Variants in CBY1 observed in about 807,000 individuals in gnomAD.
CBY1 encodes protein chibby homolog 1.
Under a neutral mutation model 15.6 loss-of-function variants are expected in CBY1, and 10 were observed. The ratio of observed to expected loss-of-function variants is 0.64; its 90% CI spans 0.40 to 1.09. The LOEUF is 1.09. CBY1 is among the 50% of genes least tolerant of loss of function. The probability of loss-of-function intolerance (pLI) is 0.01; values close to 1 mark genes in which losing one functional copy is unlikely to be tolerated. For missense variants in CBY1, 150 were observed against 160.5 expected (o/e 0.93, Z 0.35); for synonymous variants, 61 against 63.5 (o/e 0.96, Z 0.19).
chr22:38,673,255 T>C lies in CBY1; in HGVS notation c.*19T>C, dbSNP rs370222288. The C allele has an allele frequency of 2.4e-5, 37 of 1,550,174 alleles. No individual in the cohort carries two copies. In the African/African-American group the frequency reaches 3.1e-4, roughly 13 times the overall value. On this transcript the variant is annotated 3_prime_UTR_variant, in exon 5 of 5. Coordinates refer to ENST00000216029, the MANE Select transcript of CBY1 (RefSeq NM_015373.4). ...AAAATGAAGACCCCAGAGACATTTATTGGGGAGTAGGATGTGGCTGAGTGC... is the reference window on the plus strand; with the variant it reads ...AAAATGAAGACCCCAGAGACATTTACTGGGGAGTAGGATGTGGCTGAGTGC...
chr22:38,662,301 CA>C (rs34580405), intron 1 of CBY1, among the ~76,000 whole-genome samples: 27 of 132,946 alleles, frequency 2.0e-4, no homozygotes, highest in South Asian at 9.3e-4. Context: ...GACTCTGTCT[CA>C]AAAAAAAAAA....
intron 1 of CBY1, among the ~76,000 whole-genome samples, chr22:38,661,686 T>C (rs1027056702): frequency 1.3e-5 from 2 of 152,182 alleles, no homozygotes; most frequent in Admixed American, 1.3e-4. Context: ...CCTGTTCTCA[T>C]TGGATACATA....
At chr22:38,664,643 G>A (rs1399227031) in intron 1 of CBY1, among the ~76,000 whole-genome samples, 1 of 152,092 alleles carries the variant, frequency 6.6e-6, no homozygotes, top group Non-Finnish European at 1.5e-5. Context: ...AAAAGAAAGT[G>A]CCAGATATTG....
rs1219150671 is a variant in CBY1, at chr22:38,659,670, G to A, written c.-39+2920G>A. On this transcript the variant is annotated intron_variant, in intron 1 of 4. Coordinates refer to ENST00000216029, the MANE Select transcript of CBY1 (RefSeq NM_015373.4). ...AAGGTCAGGAGATCGAGACCATCCT[G>A]GCTAACACGGTGAAACCCCATCTCT... Among the ~76,000 whole-genome samples the A allele has an allele frequency of 7.2e-5, 11 of 151,942 alleles. 1 individual carries two copies.
chr22:38,657,796 G>A (rs551804457), intron 1 of CBY1, among the ~76,000 whole-genome samples: 14 of 152,022 alleles, frequency 9.2e-5, no homozygotes, highest in Admixed American at 3.9e-4. Context: ...CATGTGCTCA[G>A]GCCCAGTGCA....
chr22:38,666,233 A>ATAT (rs138485713), intron 1 of CBY1, among the ~76,000 whole-genome samples: 29,437 of 139,074 alleles, frequency 0.21, 3,170 homozygotes, highest in Middle Eastern at 0.3. Flanking sequence ...ATATATATAT[A>ATAT]TTTTTTTTTC....
chr22:38,665,861 C>T (rs1417839926), intron 1 of CBY1, among the ~76,000 whole-genome samples: 3 of 151,838 alleles, frequency 2.0e-5, no homozygotes, highest in Non-Finnish European at 2.9e-5. Context: ...ATGGTAAAAC[C>T]CTGTCTCTAC....
At chr22:38,667,973 T>G in intron 1 of CBY1, 44 bp from the exon 2 acceptor site, 1 of 1,010,204 alleles carries the variant, frequency 9.9e-7, no homozygotes, top group Non-Finnish European at 1.6e-6. Flanking sequence ...TGGCATAAGG[T>G]CAGTGATCCA....
chr22:38,671,275 C>T, intron 4 of CBY1, 87 bp downstream of exon 4: 1 of 1,012,134 alleles, frequency 9.9e-7, no homozygotes, highest in East Asian at 2.4e-5. Flanking sequence ...GATATCTCCT[C>T]AATGCCAGTT....
chr22:38,670,130 T>G (rs1359554784), intron 2 of CBY1: 1 of 152,234 alleles, frequency 6.6e-6, no homozygotes, highest in Non-Finnish European at 1.5e-5. Flanking sequence ...CTCGGGAAGC[T>G]GAGGCAGAAG....
chr22:38,665,474 A>G (rs1300855769), intron 1 of CBY1: 3 of 385,760 alleles, frequency 7.8e-6, no homozygotes, highest in Non-Finnish European at 1.4e-5. Flanking sequence ...CAAGAAACAC[A>G]AAACAAAACT....
intron 1 of CBY1, among the ~76,000 whole-genome samples, chr22:38,659,249 TTTTG>T (rs1463218635): frequency 3.3e-5 from 5 of 151,778 alleles, no homozygotes; most frequent in Admixed American, 1.3e-4. Flanking sequence ...AATTGGTTTT[TTTTG>T]TTTGTTTGTT....
chr22:38,668,224 C>G, intron 2 of CBY1, 92 bp downstream of exon 2: 1 of 805,892 alleles, frequency 1.2e-6, no homozygotes, highest in Non-Finnish European at 2.2e-6. Context: ...CCAGAGGCAT[C>G]AGTGCAGGAG....
At chr22:38,664,598 A>G (rs1452538465) in intron 1 of CBY1, among the ~76,000 whole-genome samples, 1 of 152,204 alleles carries the variant, frequency 6.6e-6, no homozygotes, top group Admixed American at 6.5e-5. Flanking sequence ...AAACAATGCA[A>G]CACCATTACA....
intron 1 of CBY1, among the ~76,000 whole-genome samples, chr22:38,660,799 A>G (rs2092420218): frequency 3.8e-3 from 1 of 260 alleles, no homozygotes; most frequent in Non-Finnish European, 7.8e-3. Context: ...GCGCAATGAC[A>G]CGATCTCCCT....
At chr22:38,669,476 G>A (rs1490098449) in intron 2 of CBY1, among the ~76,000 whole-genome samples, 1 of 152,194 alleles carries the variant, frequency 6.6e-6, no homozygotes, top group East Asian at 1.9e-4. Context: ...GGAGGGGAGA[G>A]AAAAACATCA....
intron 1 of CBY1, among the ~76,000 whole-genome samples, chr22:38,661,935 CATT>C (rs2092423290): frequency 6.6e-6 from 1 of 152,120 alleles, no homozygotes; most frequent in South Asian, 2.1e-4. Flanking sequence ...CTTGTGCCGT[CATT>C]GTTGTTCTCT....
At chr22:38,667,313 C>G (rs2092439592) in intron 1 of CBY1, among the ~76,000 whole-genome samples, 1 of 148,394 alleles carries the variant, frequency 6.7e-6, no homozygotes, top group Non-Finnish European at 1.5e-5. Context: ...GCCAGGCTAA[C>G]TTTTTTTTTT....
Position 38,668,001 on chromosome 22 carries a change from C to T in CBY1, c.-38-16C>T, listed in dbSNP as rs2092441758. On this transcript the variant is annotated splice_polypyrimidine_tract_variant and intron_variant, in intron 1 of 4. Coordinates refer to ENST00000216029, the MANE Select transcript of CBY1 (RefSeq NM_015373.4). The stretch of plus-strand genomic sequence containing the variant: ...GTGATCCAGCTGCTTGTACCCCTGA[C>T]TTTTTCTGACCCTAGGAGAAGGGAG... 6.5e-7 allele frequency: 1 copy of T among 1,532,324 alleles called. No individual in the cohort carries two copies. The highest frequency in any genetic ancestry group is 1.4e-5 in the African/African-American group (1 of 73,222). The allele number at this position is 1,532,324 out of a possible 1,614,324, so 94.9% of individuals were successfully genotyped here.
Sources: gnomAD v4.1 joint callset for allele counts (sites outside exome capture counted in the v4.1 genomes callset) on GRCh38, gnomAD v4.1.1 for gene constraint, MANE v1.5 for transcripts, NCBI Gene and HGNC (gene_info 2026-07-23, HGNC 2026-07-21) for gene names.